TRPM1: variants seen among roughly 807,000 people sequenced by gnomAD.
The protein encoded by TRPM1 is TRPM1-203 APA Isoform, Intron 10.
Under a neutral mutation model 149.4 loss-of-function variants are expected in TRPM1, and 113 were observed. That is an observed-to-expected ratio of 0.76 (90% confidence interval 0.65 to 0.88). The LOEUF (loss-of-function observed/expected upper bound fraction) is 0.88, where lower values mean the gene tolerates loss of function less well. TRPM1 is among the 40% of genes least tolerant of loss of function. The pLI is 0.00. For synonymous variants in TRPM1, 741 were observed against 759.5 expected, an observed-to-expected ratio of 0.98 and a Z score of 0.40; for missense variants, 1,976 against 2,038.7, an observed-to-expected ratio of 0.97 and a Z score of 0.59.
intron 1 of TRPM1, among the ~76,000 whole-genome samples, chr15:31,109,116 T>A (rs12592518): frequency 0.4 from 61,276 of 151,776 alleles, 13,029 homozygotes; most frequent in East Asian, 0.73. Context: ...TAGGAAGCAC[T>A]GCAATCAGCT....
chr15:31,025,871 C>T (rs60293970), intron 27 of TRPM1, among the ~76,000 whole-genome samples: 6 of 152,234 alleles, frequency 3.9e-5, no homozygotes, highest in Non-Finnish European at 5.9e-5. Flanking sequence ...AACACCCCCA[C>T]TTTGGGGTAG....
chr15:31,071,698 T>A (rs533142577), intron 3 of TRPM1, among the ~76,000 whole-genome samples: 146 of 152,086 alleles, frequency 9.6e-4, no homozygotes, highest in African/African-American at 3.5e-3. Flanking sequence ...GAGCAGTGGC[T>A]CACGCCTGTA....
chr15:31,057,635 T>C (rs1431567135), intron 11 of TRPM1, among the ~76,000 whole-genome samples: 1 of 152,102 alleles, frequency 6.6e-6, no homozygotes, highest in South Asian at 2.1e-4. Flanking sequence ...TTGGAAAGAG[T>C]GCAATAATTT....
intron 3 of TRPM1, among the ~76,000 whole-genome samples, chr15:31,075,258 T>C (rs1197930071): frequency 6.6e-6 from 1 of 152,206 alleles, no homozygotes; most frequent in Non-Finnish European, 1.5e-5. Context: ...CTATGCATTA[T>C]TGAAAGTGGG....
intron 25 of TRPM1, among the ~76,000 whole-genome samples, chr15:31,027,553 G>A (rs1192950818): frequency 2.0e-5 from 3 of 152,042 alleles, no homozygotes; most frequent in Non-Finnish European, 4.4e-5. Flanking sequence ...TTTGGACATG[G>A]GGTAGGTACA....
chr15:31,058,493 C>T (rs1283185760), intron 11 of TRPM1, among the ~76,000 whole-genome samples: 1 of 152,196 alleles, frequency 6.6e-6, no homozygotes, highest in Non-Finnish European at 1.5e-5. Context: ...AATGTCAAAG[C>T]TGCTGGTTTC....
Position 31,040,241 on chromosome 15 carries a change from C to G in TRPM1, c.2193G>C (p.Ser731=), listed in dbSNP as rs769533569. 5 of 1,614,154 alleles carry G rather than the reference C, an allele frequency of 3.1e-6. No homozygotes were observed. Among genetic ancestry groups the G allele is most frequent in the Non-Finnish European group, 4.2e-6 (5 of 1,180,040 alleles). The part of the protein sequence containing the change: ...LTYELKNWSN[S]TCLKLAVAAK... ...CTGCCACGGCCAGTTTGAGGCAGGT[C>G]GAGTTGCTCCAGTTTTTCAGCTCGT... The change falls in exon 18 of 28, where the codon TCG becomes TCC. Residue 731 remains serine, a synonymous_variant. Coordinates refer to ENST00000256552, the MANE Select transcript of TRPM1 (RefSeq NM_001252024.2). This position sits in a 1 kb window ranked among gnomAD's most constrained non-coding sequence, Gnocchi z 4.2.
chr15:31,115,221 G>A (rs2035782803), intron 1 of TRPM1, among the ~76,000 whole-genome samples: 1 of 152,116 alleles, frequency 6.6e-6, no homozygotes, highest in Non-Finnish European at 1.5e-5. Context: ...TCGCGCCACT[G>A]CATTCCAGCC....
chr15:31,125,758 T>TAAA (rs1567069745), intron 1 of TRPM1, among the ~76,000 whole-genome samples: 18 of 91,256 alleles, frequency 2.0e-4, no homozygotes, highest in Non-Finnish European at 4.0e-4. Context: ...AAAAAAAAAT[T>TAAA]ATTAAAAAAT....
At chr15:31,145,548 G>GT (rs934931197) in intron 1 of TRPM1, among the ~76,000 whole-genome samples, 52 of 152,274 alleles carry the variant, frequency 3.4e-4, no homozygotes, top group African/African-American at 1.2e-3. Flanking sequence ...TAACACAACT[G>GT]TTTTTTCAAA....
At chr15:31,026,086 C>G in intron 27 of TRPM1, 53 bp downstream of exon 27, 1 of 1,605,538 alleles carries the variant, frequency 6.2e-7, no homozygotes, top group Non-Finnish European at 8.5e-7. Flanking sequence ...AGTGGGGCGC[C>G]CGAGTCAGCA....
At chr15:31,158,978 T>C (rs2036412211) in intron 1 of TRPM1, among the ~76,000 whole-genome samples, 2 of 152,264 alleles carry the variant, frequency 1.3e-5, no homozygotes, top group African/African-American at 4.8e-5. Flanking sequence ...TGCCTAACTT[T>C]CTGAGAATGC....
chr15:31,026,269 G>A lies in TRPM1; in HGVS notation c.3499C>T (p.Leu1167Phe). 6.2e-7 allele frequency: 1 copy of A among 1,610,316 alleles called. No homozygotes were observed. Among genetic ancestry groups the A allele is most frequent in the Middle Eastern group, 1.6e-4 (1 of 6,062 alleles). Residue 1167 changes from leucine (L) to phenylalanine (F), a missense_variant and splice_region_variant, in exon 27 of 28, where the codon CTC becomes TTC. Leu to Phe is a conservative substitution (Grantham distance 22, BLOSUM62 0). Transcript: ENST00000256552. ...TTTAGCTCCTCGTCGCTAAGGAAGAGCTCTGTGTGAAGGGAGAAGTGTCGG... is the reference window on the plus strand; with the variant it reads ...TTTAGCTCCTCGTCGCTAAGGAAGAACTCTGTGTGAAGGGAGAAGTGTCGG... ...DQEERDRGLK[L>F]FLSDEELKRL...
In TRPM1 at chr15:31,067,986, A is replaced by G. The variant is rs2034428006; in HGVS notation, c.386T>C (p.Leu129Pro). 2 of 1,614,060 alleles carry G rather than the reference A, an allele frequency of 1.2e-6. No individual in the cohort carries two copies. Among genetic ancestry groups the G allele is most frequent in the Non-Finnish European group, 1.7e-6 (2 of 1,180,046 alleles). Residue 129 changes from leucine (L) to proline (P), a missense_variant, in exon 5 of 28, where the codon CTC becomes CCC. Around this residue, in one of 3 missense-constraint regions of TRPM1, gnomAD observed 1,332 missense variants for 1,347.1 expected, o/e 0.99. Coordinates refer to ENST00000256552, the MANE Select transcript of TRPM1 (RefSeq NM_001252024.2). ...CTTGGGCTGCATCTCAAAGTTCTGG[A>G]GGCCTCCATGCACAGATATTAAGAG... ...PKLLISVHGG[L>P]QNFEMQPKLK...
At chr15:31,088,585 G>A (rs1028041199) in intron 1 of TRPM1, among the ~76,000 whole-genome samples, 3 of 152,206 alleles carry the variant, frequency 2.0e-5, no homozygotes, top group African/African-American at 7.2e-5. Flanking sequence ...AAGTGAGCAA[G>A]GCCAAGAACC....
At chr15:31,082,469 G>A (rs1339608226) in intron 1 of TRPM1, among the ~76,000 whole-genome samples, 1 of 152,148 alleles carries the variant, frequency 6.6e-6, no homozygotes, top group African/African-American at 2.4e-5. Flanking sequence ...GCTTTGAGTG[G>A]TTTTGAGCCT....
chr15:31,125,734 A>C (rs2035942394), intron 1 of TRPM1, among the ~76,000 whole-genome samples: 1 of 65,848 alleles, frequency 1.5e-5, no homozygotes, highest in African/African-American at 5.8e-5. Context: ...CGTCTCAAAA[A>C]AAAAAAAAAA....
At chr15:31,070,414 C>T in intron 3 of TRPM1, 188 bp from the exon 4 acceptor site, 3 of 713,144 alleles carry the variant, frequency 4.2e-6, no homozygotes, top group Non-Finnish European at 2.5e-6. Context: ...CAGTGCACAT[C>T]TCTTTATATG....
intron 11 of TRPM1, among the ~76,000 whole-genome samples, chr15:31,059,833 G>A (rs562234220): frequency 2.4e-4 from 37 of 152,290 alleles, no homozygotes; most frequent in Non-Finnish European, 2.4e-4. Flanking sequence ...GATCAAAGAA[G>A]CTGCTTTGAC....
Sources: allele counts gnomAD v4.1 joint callset (sites outside exome capture counted in the v4.1 genomes callset), GRCh38; gene constraint gnomAD v4.1.1; regional missense constraint gnomAD v4.1.1; non-coding constraint Gnocchi (gnomAD v3.1); transcripts MANE v1.5; gene names NCBI Gene and HGNC (gene_info 2026-07-23, HGNC 2026-07-21).